Variants in DCN observed in about 807,000 individuals in gnomAD.
The protein encoded by DCN is bone proteoglycan II.
Under a neutral mutation model 36.5 loss-of-function variants are expected in DCN, and 17 were observed. The ratio of observed to expected loss-of-function variants is 0.47; its 90% confidence interval spans 0.32 to 0.70. DCN has a LOEUF of 0.70. Ranked by LOEUF, DCN falls within the 30% of genes least tolerant of loss-of-function variation. The pLI, the probability that DCN is intolerant of heterozygous loss-of-function variation, is 0.04. For missense variants in DCN, 389 were observed against 430.1 expected (o/e 0.90, Z 0.84); for synonymous variants, 163 against 161.4 (o/e 1.01, Z -0.07).
In DCN at chr12:91,142,550, T is replaced by C. The variant is rs1880785960; in HGVS notation, c.*3508A>G. On this transcript the variant is annotated 3_prime_UTR_variant, in exon 8 of 8. Transcript: ENST00000052754. ...AATGAATGAGCAGAAGAAGAGGAGA[T>C]CCAAGTTATGCCTAATTTATGTCAT... 1 of 152,142 alleles carries C rather than the reference T, an allele frequency of 6.6e-6. No homozygotes were observed. Among genetic ancestry groups the C allele is most frequent in the Admixed American group, 6.5e-5 (1 of 15,272 alleles). 9.4% of individuals were successfully genotyped at this position (152,142 alleles called of 1,614,324 possible). A position where few individuals can be genotyped will look rare whatever the true frequency, so the allele number is the denominator to read the frequency against.
chr12:91,160,614 A>G (rs1415405209), intron 3 of DCN, among the ~76,000 whole-genome samples: 1 of 152,106 alleles, frequency 6.6e-6, no homozygotes, highest in Non-Finnish European at 1.5e-5. Context: ...TTTAAAGGAG[A>G]TATCAAGTGT....
intron 7 of DCN, among the ~76,000 whole-genome samples, chr12:91,148,721 CAAAAAAAAAAAAAAA>C (rs5799978): frequency 2.8e-4 from 14 of 49,478 alleles, no homozygotes; most frequent in African/African-American, 9.2e-4. Context: ...CGCTCCGACT[CAAAAAAAAAAAAAAA>C]AAAAAAAAAA....
At chr12:91,177,565 A>G (rs968114267) in intron 2 of DCN, 2 of 702,154 alleles carry the variant, frequency 2.8e-6, no homozygotes, top group African/African-American at 1.7e-5. Context: ...ACTGAGCTTC[A>G]ATCTTTCTGG....
At chr12:91,171,786 T>TG (rs1361961913) in intron 2 of DCN, among the ~76,000 whole-genome samples, 1 of 152,138 alleles carries the variant, frequency 6.6e-6, no homozygotes, top group African/African-American at 2.4e-5. Flanking sequence ...AATGCAAGAG[T>TG]GACCCCAAGT....
intron 2 of DCN, among the ~76,000 whole-genome samples, chr12:91,166,575 C>T (rs758686698): frequency 3.9e-5 from 6 of 152,152 alleles, no homozygotes; most frequent in Non-Finnish European, 8.8e-5. Context: ...TCCACTTACG[C>T]TTGCTTTTAT....
rs750223804 is a variant in DCN at position 91,145,709 on chromosome 12, A to T, written c.*349T>A. The T allele has an allele frequency of 2.5e-6, 1 of 399,358 alleles. No homozygotes were observed. Among genetic ancestry groups the T allele is most frequent in the Non-Finnish European group, 4.8e-6 (1 of 208,296 alleles). The allele number at this position is 399,358 out of a possible 1,614,324, so 24.7% of individuals were successfully genotyped here. A position where few individuals can be genotyped will look rare whatever the true frequency, so the allele number is the denominator to read the frequency against. On this transcript the variant is annotated 3_prime_UTR_variant, in exon 8 of 8. Coordinates refer to ENST00000052754, the MANE Select transcript of DCN (RefSeq NM_001920.5). ...GAGCTAACTGCTCAATGAATTACAG[A>T]AGACTCATACTCTTTTTATTTTTTC...
chr12:91,180,203 A>C (rs935194163), intron 1 of DCN: 2 of 147,108 alleles, frequency 1.4e-5, no homozygotes, highest in African/African-American at 5.4e-5. Flanking sequence ...TTGTACACTT[A>C]GACGAATCCA....
intron 4 of DCN, 148 bp from the exon 5 acceptor site, chr12:91,157,336 C>T (rs958279810): frequency 7.2e-5 from 47 of 655,994 alleles, no homozygotes; most frequent in African/African-American, 1.8e-5. Context: ...AGAGCATGCT[C>T]CTCAGGAGAA....
At chr12:91,167,717 G>C (rs1432912229) in intron 2 of DCN, among the ~76,000 whole-genome samples, 6 of 152,132 alleles carry the variant, frequency 3.9e-5, no homozygotes, top group African/African-American at 1.4e-4. Context: ...CATTTCATAG[G>C]TAAGGAAACA....
chr12:91,151,731 G>A lies in DCN; in HGVS notation c.808C>T (p.His270Tyr), dbSNP rs1354523256. ...VDNGSLANTP[H>Y]LRELHLDNNK... ...TTGTCCAAGTGAAGCTCCCTCAGAT[G>A]AGGCGTGTTGGCCAGAGAGCCATTG... is the stretch of plus-strand genomic sequence containing the variant. Residue 270 changes from histidine (H) to tyrosine (Y), a missense_variant, in exon 7 of 8, where the codon CAT becomes TAT. Transcript: ENST00000052754. The A allele has an allele frequency of 6.2e-7, 1 of 1,613,972 alleles. No homozygotes were observed. The highest frequency in any genetic ancestry group is 1.3e-5 in the African/African-American group (1 of 74,912).
At position 91,157,285 on chromosome 12, in the gene DCN, G is replaced by T. The variant is rs867691361; in HGVS notation, c.539-97C>A. On this transcript the variant is annotated intron_variant, in intron 4 of 7. Transcript: ENST00000052754. ...CAGCAAGCAACCTATAAAGAAATAG[G>T]GATTAATATCAACTTGACTAAAAAA... 4 of 856,824 alleles carry T rather than the reference G, an allele frequency of 4.7e-6. 1 individual carries two copies. The Middle Eastern group carries it at 8.7e-4, about 187-fold the overall frequency. 53.1% of individuals were successfully genotyped at this position (856,824 alleles called of 1,614,324 possible).
intron 2 of DCN, chr12:91,175,022 C>A (rs760625559): frequency 1.3e-5 from 2 of 152,022 alleles, no homozygotes; most frequent in African/African-American, 4.8e-5. Flanking sequence ...AATAGAAAAT[C>A]CCATCAAAAT....
At chr12:91,162,394 C>A (rs1049227754) in intron 3 of DCN, among the ~76,000 whole-genome samples, 6 of 152,068 alleles carry the variant, frequency 3.9e-5, no homozygotes, top group African/African-American at 1.4e-4. Flanking sequence ...TAAATGGTAT[C>A]TTCATTATAG....
rs1485339594 is a variant in DCN at position 91,148,152 on chromosome 12, C to A, written c.886-1900G>T. On this transcript the variant is annotated intron_variant, in intron 7 of 7. Coordinates refer to ENST00000052754, the MANE Select transcript of DCN (RefSeq NM_001920.5). ...GCGGTGTCGCAATCTCGGCTCACTG[C>A]AAGCTCCGCCTCCCGGGTTCACGCC... Among the ~76,000 whole-genome samples the A allele has an allele frequency of 3.3e-5, 5 of 151,674 alleles. No homozygotes were observed. In the East Asian group the frequency reaches 9.8e-4, roughly 30 times the overall value.
At chr12:91,161,265 A>G (rs1882136607) in intron 3 of DCN, among the ~76,000 whole-genome samples, 1 of 152,228 alleles carries the variant, frequency 6.6e-6, no homozygotes, top group South Asian at 2.1e-4. Flanking sequence ...GCCAGATTTA[A>G]TGAGAATGTC....
At chr12:91,155,225 A>T (rs898710013) in intron 5 of DCN, among the ~76,000 whole-genome samples, 3 of 152,064 alleles carry the variant, frequency 2.0e-5, no homozygotes, top group African/African-American at 2.4e-5. Flanking sequence ...CTTAATTACA[A>T]TTTTCTTTAC....
At chr12:91,165,430 T>C (rs1193227187) in intron 2 of DCN, among the ~76,000 whole-genome samples, 1 of 152,146 alleles carries the variant, frequency 6.6e-6, no homozygotes, top group African/African-American at 2.4e-5. Flanking sequence ...GCTGAGTGTA[T>C]TATTGTTTTT....
chr12:91,143,843 G>T lies in DCN; in HGVS notation c.*2215C>A, dbSNP rs1880857575. 6.8e-6 allele frequency: 1 copy of T among 147,562 alleles called. No individual in the cohort carries two copies. Among genetic ancestry groups the T allele is most frequent in the South Asian group, 2.1e-4 (1 of 4,764 alleles). 9.1% of individuals were successfully genotyped at this position (147,562 alleles called of 1,614,324 possible). ...ATATATATAAATATATATATATAAA[G>T]ATATATATGTGTGTATATATATAAA... On this transcript the variant is annotated 3_prime_UTR_variant, in exon 8 of 8. Coordinates refer to ENST00000052754, the MANE Select transcript of DCN (RefSeq NM_001920.5).
chr12:91,165,712 T>G (rs1316413559), intron 2 of DCN, among the ~76,000 whole-genome samples: 1 of 152,130 alleles, frequency 6.6e-6, no homozygotes, highest in Non-Finnish European at 1.5e-5. Flanking sequence ...ATTTTAAGAC[T>G]GCATAACACA....
Sources: gnomAD v4.1 joint callset for allele counts (sites outside exome capture counted in the v4.1 genomes callset) on GRCh38, gnomAD v4.1.1 for gene constraint, MANE v1.5 for transcripts, NCBI Gene and HGNC (gene_info 2026-07-23, HGNC 2026-07-21) for gene names.